Variants in ARL14EP observed in about 807,000 individuals in gnomAD.
The protein encoded by ARL14EP is ARF like GTPase 14 effector protein.
ARL14EP carries 12 observed loss-of-function variants against 23.1 expected under a neutral mutation model. That is an observed-to-expected ratio of 0.52 (90% CI 0.33 to 0.84). The LOEUF (loss-of-function observed/expected upper bound fraction) is 0.84. Among genes scored for constraint, ARL14EP ranks in the 40% least tolerant of loss-of-function variants. The pLI, the probability that ARL14EP is intolerant of heterozygous loss-of-function variation, is 0.02. For missense variants in ARL14EP, 253 were observed against 307.3 expected, an observed-to-expected ratio of 0.82 and a Z score of 1.32; for synonymous variants, 97 against 102.0, an observed-to-expected ratio of 0.95 and a Z score of 0.29.
At chr11:30,332,727 C>A in intron 2 of ARL14EP, 139 bp from the exon 3 acceptor site, 1 of 1,002,116 alleles carries the variant, frequency 1.0e-6, no homozygotes, top group South Asian at 1.6e-5. Flanking sequence ...TGCACTTAGG[C>A]TCTAAAACCT....
chr11:30,334,441 C>T (rs535627107), intron 3 of ARL14EP, among the ~76,000 whole-genome samples: 99 of 152,104 alleles, frequency 6.5e-4, no homozygotes, highest in Non-Finnish European at 1.2e-3. Context: ...GTCTCGATCT[C>T]CTGCCCTCGT....
At chr11:30,328,550 C>CT (rs1315375194) in intron 1 of ARL14EP, 1 of 152,172 alleles carries the variant, frequency 6.6e-6, no homozygotes, top group Non-Finnish European at 1.5e-5. Flanking sequence ...TAAATATACT[C>CT]TGTTTTTACC....
intron 2 of ARL14EP, 148 bp downstream of exon 2, chr11:30,331,522 ATAT>A (rs1190499031): frequency 2.7e-6 from 4 of 1,484,022 alleles, no homozygotes; most frequent in South Asian, 2.8e-5. Flanking sequence ...ATGTTTCTAA[ATAT>A]TATTCACATA....
chr11:30,324,538 G>C (rs1192015600), intron 1 of ARL14EP, among the ~76,000 whole-genome samples: 1 of 152,056 alleles, frequency 6.6e-6, no homozygotes, highest in Non-Finnish European at 1.5e-5. Flanking sequence ...CTGTTTTGCT[G>C]TTTTGTTAGT....
chr11:30,330,926 C>CAG lies in ARL14EP; in HGVS notation c.-23_-22insAG, dbSNP rs35824273. 1,078,940 of 1,610,926 alleles carry CAG rather than the reference C, an allele frequency of 0.67. 364,409 individuals are homozygous for CAG. Among genetic ancestry groups the CAG allele is most frequent in the East Asian group, 0.91 (40,563 of 44,776 alleles). Reference sequence around the variant, plus strand: ...ACCTAAACCTCCAGACAAAATAAAACGGAAAATTTGCTAGAATCAAGAATG... The same window carrying CAG: ...ACCTAAACCTCCAGACAAAATAAAACAGGGAAAATTTGCTAGAATCAAGAATG... On this transcript the variant is annotated 5_prime_UTR_variant, in exon 2 of 4. Coordinates refer to ENST00000282032, the MANE Select transcript of ARL14EP (RefSeq NM_152316.3).
intron 2 of ARL14EP, 135 bp from the exon 3 acceptor site, chr11:30,332,730 TA>T (rs1947295285): frequency 2.7e-6 from 3 of 1,117,884 alleles, no homozygotes; most frequent in South Asian, 3.0e-5. Flanking sequence ...ACTTAGGCTC[TA>T]AAACCTTGTT....
At chr11:30,325,401 C>A (rs549795426) in intron 1 of ARL14EP, among the ~76,000 whole-genome samples, 32 of 152,050 alleles carry the variant, frequency 2.1e-4, no homozygotes, top group Non-Finnish European at 4.3e-4. Context: ...AAGGGGGGAT[C>A]CTTGAGTCTT....
intron 3 of ARL14EP, among the ~76,000 whole-genome samples, chr11:30,333,528 T>C (rs1489942808): frequency 1.3e-5 from 2 of 152,164 alleles, no homozygotes; most frequent in African/African-American, 4.8e-5. Context: ...TTATTTTGAG[T>C]CACTAGGAAC....
chr11:30,336,033 ATCAT>A (rs1387187708), intron 3 of ARL14EP, among the ~76,000 whole-genome samples: 1 of 152,142 alleles, frequency 6.6e-6, no homozygotes, highest in African/African-American at 2.4e-5. Flanking sequence ...TGTTAATATA[ATCAT>A]TCAGAATTTT....
chr11:30,330,249 C>G (rs149342605), intron 1 of ARL14EP: 1 of 152,270 alleles, frequency 6.6e-6, no homozygotes, highest in Admixed American at 6.5e-5. Context: ...CAATATGTTA[C>G]TGTATTTTCC....
In ARL14EP at chr11:30,323,194, C is replaced by A. The variant is rs935615044; in HGVS notation, c.-72C>A. 2.0e-5 allele frequency: 3 copies of A among 153,054 alleles called. No homozygotes were observed. Among genetic ancestry groups the A allele is most frequent in the Non-Finnish European group, 4.4e-5 (3 of 68,780 alleles). 9.5% of individuals were successfully genotyped at this position (153,054 alleles called of 1,614,324 possible). A position where few individuals can be genotyped will look rare whatever the true frequency, so the allele number is the denominator to read the frequency against. The stretch of plus-strand genomic sequence containing the variant: ...GCCCGAAGCCGGGCGGAGGAGAGCT[C>A]AAGCTAAGGTGGAAGGGGAACGGGG... On this transcript the variant is annotated 5_prime_UTR_variant, in exon 1 of 4. Transcript: ENST00000282032.
Position 30,330,883 on chromosome 11 carries a change from T to C in ARL14EP, c.-63-3T>C. ...ATTTGATTCTCTTTAATATTTTCTC[T>C]AGGGTGATCAGCCCATGACCTAAAC... On this transcript the variant is annotated splice_polypyrimidine_tract_variant and splice_region_variant and intron_variant, in intron 1 of 3. Transcript: ENST00000282032. 6.8e-7 allele frequency: 1 copy of C among 1,473,298 alleles called. No individual in the cohort carries two copies. Among genetic ancestry groups the C allele is most frequent in the Non-Finnish European group, 9.4e-7 (1 of 1,059,128 alleles). 91.3% of individuals were successfully genotyped at this position (1,473,298 alleles called of 1,614,324 possible). A position where few individuals can be genotyped will look rare whatever the true frequency, so the allele number is the denominator to read the frequency against.
intron 1 of ARL14EP, among the ~76,000 whole-genome samples, 158 bp downstream of exon 1, chr11:30,323,360 T>C (rs2133641586): frequency 6.6e-6 from 1 of 152,196 alleles, no homozygotes; most frequent in Non-Finnish European, 1.5e-5. Flanking sequence ...GGCCGGGGCC[T>C]CTCACCCCTA....
At chr11:30,331,832 CTT>C (rs1434222522) in intron 2 of ARL14EP, 1 of 984,242 alleles carries the variant, frequency 1.0e-6, no homozygotes, top group African/African-American at 1.8e-5. Context: ...TTATTTCACT[CTT>C]TTTTTCTCCT....
chr11:30,331,044 A>G lies in ARL14EP; in HGVS notation c.96A>G (p.Gln32=). The G allele has an allele frequency of 1.2e-6, 2 of 1,613,940 alleles. No homozygotes were observed. The highest frequency in any genetic ancestry group is 1.7e-6 in the Non-Finnish European group (2 of 1,179,830). Residue 32 remains glutamine (Q), a synonymous_variant, in exon 2 of 4, where the codon CAA becomes CAG. Coordinates refer to ENST00000282032, the MANE Select transcript of ARL14EP (RefSeq NM_152316.3). ...YTRHTGFKTL[Q]ELSSNDMLLL... is the part of the protein sequence containing the mutation. ...GTCACACAGGTTTTAAGACTTTGCA[A>G]GAATTGTCATCAAATGATATGCTTT...
At chr11:30,332,843 A>G (rs776104834) in intron 2 of ARL14EP, 23 bp from the exon 3 acceptor site, 4 of 1,611,374 alleles carry the variant, frequency 2.5e-6, no homozygotes, top group South Asian at 1.1e-5. Flanking sequence ...ATTTGAGTTG[A>G]TAATTTGTTT....
Position 30,336,728 on chromosome 11 carries a change from G to T in ARL14EP, c.716G>T (p.Arg239Leu). 6.2e-7 allele frequency: 1 copy of T among 1,614,084 alleles called. No individual in the cohort carries two copies. The highest frequency in any genetic ancestry group is 8.5e-7 in the Non-Finnish European group (1 of 1,180,014). The change falls in exon 4 of 4, where the codon CGC becomes CTC. Residue 239 changes from arginine (R) to leucine (L), a missense_variant. Transcript: ENST00000282032. The stretch of plus-strand genomic sequence containing the variant: ...TGTGGAGCTGAATGCCGCTGTGACC[G>T]CAAGTGGCTGTATGAGCAAATTGAA... ...TKCGAECRCD[R>L]KWLYEQIEIE...
chr11:30,323,370 A>AC (rs958534598), intron 1 of ARL14EP, among the ~76,000 whole-genome samples, 168 bp downstream of exon 1: 3 of 151,754 alleles, frequency 2.0e-5, no homozygotes, highest in African/African-American at 7.3e-5. Flanking sequence ...TCTCACCCCT[A>AC]CCCCCGCGTA....
intron 3 of ARL14EP, among the ~76,000 whole-genome samples, chr11:30,334,975 G>C (rs1478358679): frequency 6.6e-6 from 1 of 152,126 alleles, no homozygotes; most frequent in African/African-American, 2.4e-5. Context: ...TGTTATTTAA[G>C]AAATACGTTT....
Sources: gnomAD v4.1 joint callset for allele counts (sites outside exome capture counted in the v4.1 genomes callset) on GRCh38, gnomAD v4.1.1 for gene constraint, MANE v1.5 for transcripts, NCBI Gene and HGNC (gene_info 2026-07-23, HGNC 2026-07-21) for gene names.